The following ZNF544 variants were observed in gnomAD, a reference collection of about 807,000 sequenced individuals.
The protein encoded by ZNF544 is zinc finger protein 544, also known as zinc finger protein AF020591.
ZNF544 carries 10 observed loss-of-function variants against 13.5 expected under a neutral mutation model. The observed-to-expected ratio is 0.74, with a 90% CI of 0.46 to 1.25. ZNF544 has a LOEUF of 1.25. ZNF544 is among the 50% of genes most tolerant of loss of function. The pLI, the probability that ZNF544 is intolerant of heterozygous loss-of-function variation, is 0.00. For missense variants in ZNF544, 896 were observed against 845.6 expected, an observed-to-expected ratio of 1.06 and a Z score of -0.74; for synonymous variants, 323 against 300.5, an observed-to-expected ratio of 1.07 and a Z score of -0.77.
At chr19:58,276,495 T>C in intron 6 of ZNF544, 22 of 1,009,868 alleles carry the variant, frequency 2.2e-5, no homozygotes, top group East Asian at 3.3e-5. Flanking sequence ...TGAGATGGAG[T>C]CTCACTCTGT....
intron 6 of ZNF544, chr19:58,258,301 C>G (rs1463382229): frequency 6.6e-6 from 1 of 152,546 alleles, no homozygotes; most frequent in African/African-American, 2.4e-5. Context: ...AAAACATCCT[C>G]CCATGAGGGA....
chr19:58,266,433 T>C (rs182533176), downstream of ZNF544, among the ~76,000 whole-genome samples: 338 of 135,392 alleles, frequency 2.5e-3, 3 homozygotes, highest in Admixed American at 4.4e-3. Flanking sequence ...GAGAATGGCA[T>C]GAACCCAGGA....
At position 58,241,844 on chromosome 19, in the gene ZNF544, C is replaced by T. The variant is rs369826849; in HGVS notation, c.-59-2121C>T. ...TGTTGGTGCCTTGTCTGTCCTCCCC[C>T]TGGCACTGAGGTCGCATGCAGTTCT... On this transcript the variant is annotated intron_variant, in intron 3 of 6. Coordinates refer to ENST00000687789, the MANE Select transcript of ZNF544 (RefSeq NM_014480.4). 3.3e-5 allele frequency among the ~76,000 whole-genome samples: 5 copies of T among 152,268 alleles called. No homozygotes were observed. In the East Asian group the frequency reaches 5.8e-4, roughly 18 times the overall value.
rs371635719 is a variant in ZNF544, at chr19:58,262,121, T to C, written c.1515T>C (p.Tyr505=). 7 of 1,612,478 alleles carry C rather than the reference T, an allele frequency of 4.3e-6. No homozygotes were observed. In the African/African-American group the frequency reaches 9.4e-5, roughly 22 times the overall value. The part of the protein sequence containing the change: ...TQCGKSFSQK[Y]DLVVHQRTHT... ...GTGGGAAATCTTTCAGCCAGAAGTA[T>C]GACCTTGTTGTACATCAGAGGACAC... Residue 505 remains tyrosine, a synonymous_variant, in exon 7 of 7, where the codon TAT becomes TAC. Coordinates refer to ENST00000687789, the MANE Select transcript of ZNF544 (RefSeq NM_014480.4).
Position 58,262,106 on chromosome 19 carries a change from T to C in ZNF544, c.1500T>C (p.Ser500=). ...TCAAATGTACTCAGTGTGGGAAATC[T>C]TTCAGCCAGAAGTATGACCTTGTTG... ...KPFKCTQCGK[S]FSQKYDLVVH... The change falls in exon 7 of 7, where the codon TCT becomes TCC. Residue 500 remains serine, a synonymous_variant. Coordinates refer to ENST00000687789, the MANE Select transcript of ZNF544 (RefSeq NM_014480.4). The C allele has an allele frequency of 6.2e-7, 1 of 1,608,302 alleles. No homozygotes were observed. Among genetic ancestry groups the C allele is most frequent in the Middle Eastern group, 1.7e-4 (1 of 6,028 alleles).
At chr19:58,246,132 G>C (rs1381409511) in intron 4 of ZNF544, among the ~76,000 whole-genome samples, 169 bp from the exon 5 acceptor site, 1 of 152,134 alleles carries the variant, frequency 6.6e-6, no homozygotes, top group South Asian at 2.1e-4. Context: ...TCTTTTATGA[G>C]GACATTAATT....
intron 3 of ZNF544, among the ~76,000 whole-genome samples, chr19:58,238,935 A>G (rs917828724): frequency 6.6e-6 from 1 of 151,818 alleles, no homozygotes; most frequent in African/African-American, 2.4e-5. Context: ...GAGGGGACAC[A>G]GGACACAGGT....
chr19:58,246,625 A>T (rs2045279223), intron 5 of ZNF544, 86 bp from the exon 6 acceptor site: 3 of 1,527,822 alleles, frequency 2.0e-6, no homozygotes, highest in Non-Finnish European at 2.7e-6. Flanking sequence ...TTTCCTCGGG[A>T]CAGCACTAGG....
At chr19:58,229,933 G>C (rs141292187) in intron 2 of ZNF544, 2 of 152,744 alleles carry the variant, frequency 1.3e-5, no homozygotes, top group Non-Finnish European at 2.9e-5. Flanking sequence ...AGTGGAGGAA[G>C]ACTGTGTTTC....
intron 6 of ZNF544, among the ~76,000 whole-genome samples, chr19:58,252,843 C>T (rs547650872): frequency 4.6e-5 from 7 of 152,268 alleles, no homozygotes; most frequent in African/African-American, 7.2e-5. Context: ...GTTTTTGAGA[C>T]GGAGTCTTGC....
chr19:58,266,801 A>G (rs892497925), downstream of ZNF544: 2 of 152,222 alleles, frequency 1.3e-5, no homozygotes, highest in East Asian at 1.9e-4. Flanking sequence ...TTCAGGGGAC[A>G]AGGGAATCTG....
rs1600288026 is a variant in ZNF544, at chr19:58,246,746, C to T, written c.196C>T (p.Leu66=). 1 of 1,614,126 alleles carries T rather than the reference C, an allele frequency of 6.2e-7. No homozygotes were observed. The highest frequency in any genetic ancestry group is 8.5e-7 in the Non-Finnish European group (1 of 1,179,984). Residue 66 remains leucine, a synonymous_variant, in exon 6 of 7, where the codon CTG becomes TTG. Transcript: ENST00000687789. ...TTCCAAATCTGATGTGATCTCTCAG[C>T]TGGAGCAAGAAGAGGACCTGTGCAG... is the stretch of plus-strand genomic sequence containing the variant. ...FLSKSDVISQ[L]EQEEDLCRAE... is the part of the protein sequence containing the mutation.
intron 6 of ZNF544, among the ~76,000 whole-genome samples, chr19:58,276,882 G>A (rs543600122): frequency 7.9e-5 from 12 of 152,238 alleles, no homozygotes; most frequent in Non-Finnish European, 1.8e-4. Context: ...CTCCCACGGG[G>A]CAAATGGTAG....
At chr19:58,242,612 C>T (rs1315017430) in intron 3 of ZNF544, among the ~76,000 whole-genome samples, 1 of 151,686 alleles carries the variant, frequency 6.6e-6, no homozygotes, top group Non-Finnish European at 1.5e-5. Context: ...CTCTAGGGCT[C>T]ATGCGATCAT....
In ZNF544 at chr19:58,244,034, G is replaced by A. The variant is rs571507375; in HGVS notation, c.11G>A (p.Arg4His). The A allele has an allele frequency of 5.5e-5, 89 of 1,608,342 alleles. No individual in the cohort carries two copies. Among genetic ancestry groups the A allele is most frequent in the Non-Finnish European group, 6.5e-5 (76 of 1,177,242 alleles). MEA[R>H]SMLVPPQASV... ...AGGTGCAGGGAGGAAATGGAAGCACGTTCTATGCTGGTTCCACCCCAGGTG... is the reference window on the plus strand; with the variant it reads ...AGGTGCAGGGAGGAAATGGAAGCACATTCTATGCTGGTTCCACCCCAGGTG... The change falls in exon 4 of 7, where the codon CGT (arginine) becomes CAT (histidine). Residue 4 changes from arginine (R) to histidine (H), a missense_variant. Transcript: ENST00000687789.
intron 2 of ZNF544, 128 bp from the exon 3 acceptor site, chr19:58,230,266 C>T (rs529526507): frequency 1.3e-5 from 2 of 152,334 alleles, no homozygotes; most frequent in African/African-American, 4.8e-5. Context: ...AATTTTATGT[C>T]CAAGTATAAT....
downstream of ZNF544, among the ~76,000 whole-genome samples, chr19:58,268,861 C>A (rs1568513442): frequency 1.3e-5 from 2 of 152,112 alleles, 1 homozygote; most frequent in Admixed American, 1.3e-4. Flanking sequence ...TGTTTACCAG[C>A]TACATAGGAT....
At chr19:58,233,299 G>A (rs1490212064) in intron 3 of ZNF544, among the ~76,000 whole-genome samples, 1 of 152,132 alleles carries the variant, frequency 6.6e-6, no homozygotes, top group African/African-American at 2.4e-5. Context: ...AACCACATCA[G>A]CCTCCAAAAG....
intron 6 of ZNF544, among the ~76,000 whole-genome samples, chr19:58,249,864 C>A (rs564930327): frequency 2.6e-5 from 4 of 152,206 alleles, no homozygotes; most frequent in Admixed American, 1.3e-4. Flanking sequence ...TCAAGCTTTC[C>A]ATAAAATCCT....
Sources: allele counts gnomAD v4.1 joint callset (sites outside exome capture counted in the v4.1 genomes callset), GRCh38; gene constraint gnomAD v4.1.1; transcripts MANE v1.5; gene names NCBI Gene and HGNC (gene_info 2026-07-23, HGNC 2026-07-21).